FAM20B: variants seen among roughly 807,000 people sequenced by gnomAD.
FAM20B encodes FAM20B glycosaminoglycan xylosylkinase.
In FAM20B, 23 loss-of-function variants were observed where a neutral mutation model predicts 43.8. The ratio of observed to expected loss-of-function variants is 0.53; its 90% CI spans 0.38 to 0.74. The LOEUF (loss-of-function observed/expected upper bound fraction) is 0.74, where lower values mean the gene tolerates loss of function less well. FAM20B is among the 30% of genes least tolerant of loss of function. The pLI is 0.00. For missense variants in FAM20B, 440 were observed against 510.5 expected (o/e 0.86, Z 1.33); for synonymous variants, 178 against 192.4 (o/e 0.93, Z 0.62).
chr1:179,041,074 G>A (rs559943721), intron 1 of FAM20B, among the ~76,000 whole-genome samples: 27 of 143,280 alleles, frequency 1.9e-4, no homozygotes, highest in South Asian at 1.5e-3. Flanking sequence ...GGGAAGAGGC[G>A]CCTCCTCACT....
intron 4 of FAM20B, among the ~76,000 whole-genome samples, chr1:179,063,213 G>A (rs1651548465): frequency 6.6e-6 from 1 of 152,096 alleles, no homozygotes; most frequent in South Asian, 2.1e-4. Flanking sequence ...GGAGGCAGAG[G>A]TTGCAGTGAG....
Position 179,064,318 on chromosome 1 carries a change from G to A in FAM20B, c.760G>A (p.Glu254Lys). 1 of 1,606,714 alleles carries A rather than the reference G, an allele frequency of 6.2e-7. No individual in the cohort carries two copies. The highest frequency in any genetic ancestry group is 1.1e-5 in the South Asian group (1 of 90,592). ...GCTTGTCTCCAGGTGGGAGTATGAT[G>A]AGAGCTACTGTGATGCTGTGAAGAA... ...EGKLARWEYD[E>K]SYCDAVKKTS... Residue 254 changes from glutamate (E) to lysine (K), a missense_variant, in exon 6 of 8, where the codon GAG (glutamate) becomes AAG (lysine). Physicochemically the swap from Glu to Lys is moderately conservative, Grantham distance 56. Transcript: ENST00000263733.
rs12075027 is a variant in FAM20B at position 179,049,594 on chromosome 1, G to A, written c.378-685G>A. 1.1e-3 allele frequency among the ~76,000 whole-genome samples: 166 copies of A among 152,248 alleles called. 1 individual carries two copies. Among genetic ancestry groups the A allele is most frequent in the African/African-American group, 3.7e-3 (155 of 41,534 alleles). ...CTCACTCTGTTGCCCAGGCTGGAGT[G>A]CAGTGGCACAGTCTCGGCTCACTGC... On this transcript the variant is annotated intron_variant, in intron 2 of 7. Transcript: ENST00000263733.
At chr1:179,033,071 G>C (rs1259066946) in intron 1 of FAM20B, among the ~76,000 whole-genome samples, 1 of 152,180 alleles carries the variant, frequency 6.6e-6, no homozygotes, top group Non-Finnish European at 1.5e-5. Flanking sequence ...AAAATCAAAA[G>C]GGCAGTATAC....
intron 1 of FAM20B, among the ~76,000 whole-genome samples, chr1:179,031,431 G>T (rs888912953): frequency 6.6e-6 from 1 of 152,160 alleles, no homozygotes; most frequent in Middle Eastern, 3.2e-3. Flanking sequence ...CAAGGAAGAG[G>T]GTTGCCCTAA....
the FAM20B span, among the ~76,000 whole-genome samples, chr1:179,019,519 A>G: frequency 6.6e-6 from 1 of 150,460 alleles, no homozygotes; most frequent in Non-Finnish European, 1.5e-5. Flanking sequence ...CTGGAGTGCA[A>G]TGGCACGATC....
intron 1 of FAM20B, among the ~76,000 whole-genome samples, chr1:179,033,774 C>T (rs1018335268): frequency 6.6e-6 from 1 of 152,014 alleles, no homozygotes; most frequent in Non-Finnish European, 1.5e-5. Flanking sequence ...CTCACTGCAA[C>T]CTCCGCCTCC....
In FAM20B at chr1:179,044,081, T is replaced by C. The variant is rs1650660707; in HGVS notation, c.234T>C (p.Pro78=). Residue 78 remains proline (P), a synonymous_variant, in exon 2 of 8, where the codon CCT becomes CCC. Coordinates refer to ENST00000263733, the MANE Select transcript of FAM20B (RefSeq NM_014864.4). ...GGGTGGTTCCCCGGGAAGTGTACCC[T>C]GAAGAGACACCAGAGCTGGGGGCAG... The part of the protein sequence containing the change: ...AQWVVPREVY[P]EETPELGAVM... 4.3e-6 allele frequency: 7 copies of C among 1,614,086 alleles called. No homozygotes were observed. The highest frequency in any genetic ancestry group is 1.6e-4 in the Middle Eastern group (1 of 6,062).
chr1:179,043,811 G>A lies in FAM20B; in HGVS notation c.-37G>A. Reference sequence around the variant, plus strand: ...ACCACCAGCTCTCCTTAATACATGAGCAAGAGTGGGTCAGGGGAGAAGGAA... The same window carrying A: ...ACCACCAGCTCTCCTTAATACATGAACAAGAGTGGGTCAGGGGAGAAGGAA... On this transcript the variant is annotated 5_prime_UTR_variant, in exon 2 of 8. Transcript: ENST00000263733. 1 of 1,551,940 alleles carries A rather than the reference G, an allele frequency of 6.4e-7. No homozygotes were observed. Among genetic ancestry groups the A allele is most frequent in the Non-Finnish European group, 8.7e-7 (1 of 1,144,486 alleles).
At chr1:179,023,737 G>A (rs1390119518), upstream of FAM20B, among the ~76,000 whole-genome samples, 2 of 152,166 alleles carry the variant, frequency 1.3e-5, no homozygotes, top group Non-Finnish European at 2.9e-5. Flanking sequence ...TCTCCTACCT[G>A]TATTTTGCTC....
intron 1 of FAM20B, among the ~76,000 whole-genome samples, chr1:179,034,534 C>A (rs553270931): frequency 4.6e-5 from 7 of 152,096 alleles, no homozygotes; most frequent in African/African-American, 1.7e-4. Context: ...CATGTTTGGC[C>A]CTGACTCCAC....
intron 3 of FAM20B, among the ~76,000 whole-genome samples, chr1:179,053,239 T>G (rs939595730): frequency 4.6e-5 from 7 of 152,150 alleles, no homozygotes; most frequent in African/African-American, 1.4e-4. Flanking sequence ...CCCTCAATGC[T>G]AAACTGGCTG....
At chr1:179,053,471 A>C (rs376753127) in intron 3 of FAM20B, among the ~76,000 whole-genome samples, 1 of 148,556 alleles carries the variant, frequency 6.7e-6, no homozygotes, top group African/African-American at 2.5e-5. Context: ...AAACAAACAA[A>C]ACACACACAA....
intron 1 of FAM20B, among the ~76,000 whole-genome samples, chr1:179,033,352 T>C (rs1424906902): frequency 6.6e-6 from 1 of 152,238 alleles, no homozygotes; most frequent in Non-Finnish European, 1.5e-5. Flanking sequence ...TATGTATCTT[T>C]CTAAATATAT....
chr1:179,068,059 G>T (rs1457942305), intron 7 of FAM20B, among the ~76,000 whole-genome samples: 1 of 152,112 alleles, frequency 6.6e-6, no homozygotes, highest in Non-Finnish European at 1.5e-5. Flanking sequence ...CACCGCGCCC[G>T]ACCATCCTGG....
intron 5 of FAM20B, 91 bp from the exon 6 acceptor site, chr1:179,064,214 A>G: frequency 7.0e-7 from 1 of 1,425,146 alleles, no homozygotes; most frequent in South Asian, 1.3e-5. Flanking sequence ...GTCAGGGGCA[A>G]ACCGGTAGGT....
At chr1:179,040,801 G>A (rs1310060990) in intron 1 of FAM20B, among the ~76,000 whole-genome samples, 7 of 151,714 alleles carry the variant, frequency 4.6e-5, no homozygotes, top group Admixed American at 6.6e-5. Context: ...GGGCGGAGAC[G>A]CTCCTCACTT....
At chr1:179,069,433 C>T (rs569048653) in intron 7 of FAM20B, among the ~76,000 whole-genome samples, 3 of 152,258 alleles carry the variant, frequency 2.0e-5, no homozygotes, top group East Asian at 1.9e-4. Flanking sequence ...TGTAGTGGCA[C>T]GATCTCGGCT....
chr1:179,026,502 CCT>C (rs956723025), intron 1 of FAM20B, among the ~76,000 whole-genome samples: 1 of 152,140 alleles, frequency 6.6e-6, no homozygotes, highest in African/African-American at 2.4e-5. Context: ...GGCCCCGGTG[CCT>C]CTCTTGTGTT....
Sources: allele counts gnomAD v4.1 joint callset (sites outside exome capture counted in the v4.1 genomes callset), GRCh38; gene constraint gnomAD v4.1.1; transcripts MANE v1.5; gene names NCBI Gene and HGNC (gene_info 2026-07-23, HGNC 2026-07-21).